The following IL15RA variants were observed in gnomAD, a reference collection of about 807,000 sequenced individuals.
IL15RA encodes the protein interleukin-15 receptor subunit alpha.
IL15RA carries 26 observed loss-of-function variants against 24.2 expected under a neutral mutation model. That is an observed-to-expected ratio of 1.07 (90% CI 0.79 to 1.49). IL15RA has a LOEUF of 1.49. Ranked by LOEUF, IL15RA falls within the 40% of genes most tolerant of loss-of-function variation. The probability of loss-of-function intolerance (pLI) is 0.00; values close to 1 mark genes in which losing one functional copy is unlikely to be tolerated. For missense variants in IL15RA, 354 were observed against 356.4 expected, an observed-to-expected ratio of 0.99 and a Z score of 0.05; for synonymous variants, 166 against 157.6, an observed-to-expected ratio of 1.05 and a Z score of -0.40.
In IL15RA at chr10:5,968,152, G is replaced by T. The variant is rs1370088220; in HGVS notation, c.89-1813C>A. On this transcript the variant is annotated intron_variant, in intron 1 of 6. Coordinates refer to ENST00000379977, the MANE Select transcript of IL15RA (RefSeq NM_002189.4). The surrounding 1 kb of genome is among the most constrained non-coding windows in gnomAD (Gnocchi z 5.4). ...AGTGTTAAGAACCTTAGCACGGAGA[G>T]AATTCTTATAAAAATCAACACAAGA... is the stretch of plus-strand genomic sequence containing the variant. 6.6e-6 allele frequency among the ~76,000 whole-genome samples: 1 copy of T among 152,138 alleles called. No homozygotes were observed. The highest frequency in any genetic ancestry group is 1.5e-5 in the Non-Finnish European group (1 of 68,038).
In IL15RA at chr10:5,963,745, T is replaced by C. The variant is rs1174601023; in HGVS notation, c.380A>G (p.Lys127Arg). The C allele has an allele frequency of 1.5e-5, 22 of 1,514,188 alleles. No individual in the cohort carries two copies. Among genetic ancestry groups the C allele is most frequent in the Non-Finnish European group, 1.8e-5 (20 of 1,141,906 alleles). 93.8% of individuals were successfully genotyped at this position (1,514,188 alleles called of 1,614,324 possible). ...PQPESLSPSG[K>R]EPAASSPSSN... Reference sequence around the variant, plus strand: ...CGAGAAGTTTCTGACCTTCCTACCTTTTCCAGAAGGGGAGAGGCTCTCTGG... The same window carrying C: ...CGAGAAGTTTCTGACCTTCCTACCTCTTCCAGAAGGGGAGAGGCTCTCTGG... The change falls in exon 3 of 7, where the codon AAA (lysine) becomes AGA (arginine). Residue 127 changes from lysine to arginine, a missense_variant and splice_region_variant. Physicochemically the swap from Lys to Arg is conservative, Grantham distance 26. Transcript: ENST00000379977. This position sits in a 1 kb window ranked among gnomAD's most constrained non-coding sequence, Gnocchi z 5.3.
At position 5,966,202 on chromosome 10, in the gene IL15RA, C is replaced by A. The variant is rs377470890; in HGVS notation, c.226G>T (p.Val76Leu). The A allele has an allele frequency of 1.2e-6, 2 of 1,613,918 alleles. No individual in the cohort carries two copies. The highest frequency in any genetic ancestry group is 1.7e-6 in the Non-Finnish European group (2 of 1,179,806). The change falls in exon 2 of 7, where the codon GTG becomes TTG. Residue 76 changes from valine to leucine, a missense_variant. Physicochemically the swap from Val to Leu is conservative, Grantham distance 32. Coordinates refer to ENST00000379977, the MANE Select transcript of IL15RA (RefSeq NM_002189.4). The surrounding 1 kb of genome is among the most constrained non-coding windows in gnomAD (Gnocchi z 6.4). ...GCGACATTCGTGGCCTTGTTCAACA[C>A]GCACTCCGTCAGGCTGGACGTGCCG... is the stretch of plus-strand genomic sequence containing the variant. The part of the protein sequence containing the change: ...KAGTSSLTEC[V>L]LNKATNVAHW...
chr10:5,969,189 G>A (rs1006100176), intron 1 of IL15RA, among the ~76,000 whole-genome samples: 6 of 151,436 alleles, frequency 4.0e-5, no homozygotes, highest in African/African-American at 1.5e-4. Flanking sequence ...TCAAAGCTGA[G>A]TTTGCTTTTC....
chr10:5,959,088 T>G lies in IL15RA; in HGVS notation c.616+666A>C, dbSNP rs1044105013. On this transcript the variant is annotated intron_variant, in intron 5 of 6. Coordinates refer to ENST00000379977, the MANE Select transcript of IL15RA (RefSeq NM_002189.4). This position sits in a 1 kb window ranked among gnomAD's most constrained non-coding sequence, Gnocchi z 4.1. ...CGTTCTCTTTTCTATTCTCCTAGCC[T>G]TAGCATTGCGTGTGACTTCTGTAAA... 1.3e-5 allele frequency among the ~76,000 whole-genome samples: 2 copies of G among 152,184 alleles called. No individual in the cohort carries two copies. The highest frequency in any genetic ancestry group is 4.8e-5 in the African/African-American group (2 of 41,438).
At chr10:5,956,934 A>G (rs1248425326) in intron 5 of IL15RA, among the ~76,000 whole-genome samples, 1 of 148,432 alleles carries the variant, frequency 6.7e-6, no homozygotes, top group Non-Finnish European at 1.5e-5. Context: ...TTTCCTTCCA[A>G]TTTCATTTTT....
At chr10:5,977,901 C>CT (rs1838707622), upstream of IL15RA, 1 of 316,598 alleles carries the variant, frequency 3.2e-6, no homozygotes, top group African/African-American at 2.1e-5. Flanking sequence ...CAGACTCTCT[C>CT]CAGCCCTCTC....
rs1385884071 is a variant in IL15RA at position 5,960,392 on chromosome 10, T to C, written c.558A>G (p.Thr186=). The C allele has an allele frequency of 1.9e-6, 3 of 1,614,058 alleles. No homozygotes were observed. In the Admixed American group the frequency reaches 5.0e-5, roughly 27 times the overall value. The change falls in exon 4 of 7, where the codon ACA becomes ACG. Residue 186 remains threonine (T), a synonymous_variant. Transcript: ENST00000379977. This position sits in a 1 kb window ranked among gnomAD's most constrained non-coding sequence, Gnocchi z 5.1. The part of the protein sequence containing the change: ...SQTTAKNWEL[T]ASASHQPPGV... ...CTGGCGGCTGGTGGGAGGCGGATGC[T>C]GTGAGTTCCCAGTTCTTGGCTGTTG... is the stretch of plus-strand genomic sequence containing the variant.
At position 5,977,514 on chromosome 10, in the gene IL15RA, C is replaced by T. The variant is rs1838655998; in HGVS notation, c.-22G>A. Reference sequence around the variant, plus strand: ...CCATGGCGGCAGCTCCACAGGACACCGCTGGACTCCCCGGGCGAGCGCTGC... The same window carrying T: ...CCATGGCGGCAGCTCCACAGGACACTGCTGGACTCCCCGGGCGAGCGCTGC... On this transcript the variant is annotated 5_prime_UTR_variant, in exon 1 of 7. Coordinates refer to ENST00000379977, the MANE Select transcript of IL15RA (RefSeq NM_002189.4). 3.8e-6 allele frequency: 5 copies of T among 1,327,028 alleles called. No homozygotes were observed. Among genetic ancestry groups the T allele is most frequent in the Admixed American group, 7.7e-5 (2 of 25,968 alleles). The allele number at this position is 1,327,028 out of a possible 1,614,324, so 82.2% of individuals were successfully genotyped here.
chr10:5,952,523 T>A lies in IL15RA; in HGVS notation c.*572A>T, dbSNP rs1472791500. The A allele has an allele frequency of 6.5e-6, 1 of 154,292 alleles. No homozygotes were observed. The highest frequency in any genetic ancestry group is 1.5e-5 in the Non-Finnish European group (1 of 68,900). The allele number at this position is 154,292 out of a possible 1,614,324, so 9.6% of individuals were successfully genotyped here. A position where few individuals can be genotyped will look rare whatever the true frequency, so the allele number is the denominator to read the frequency against. On this transcript the variant is annotated 3_prime_UTR_variant, in exon 7 of 7. Coordinates refer to ENST00000379977, the MANE Select transcript of IL15RA (RefSeq NM_002189.4). ...TAAAATGGCACTGAGTTGAGTTTTC[T>A]TCTTCCTGAATCCTTCAATGGAGAG...
rs1271903013 is a variant in IL15RA, at chr10:5,960,505, C to T, written c.445G>A (p.Gly149Ser). 6.2e-7 allele frequency: 1 copy of T among 1,614,124 alleles called. No homozygotes were observed. The change falls in exon 4 of 7, where the codon GGC (glycine) becomes AGC (serine). Residue 149 changes from glycine to serine, a missense_variant. Gly to Ser is a moderately conservative substitution (Grantham distance 56, BLOSUM62 0). Transcript: ENST00000379977. The surrounding 1 kb of genome is among the most constrained non-coding windows in gnomAD (Gnocchi z 5.1). Reference sequence around the variant, plus strand: ...GATTTTGAAGGCATCAGCTGGGAGCCCGGGACAATAGCTGCTGTTGTGGCC... The same window carrying T: ...GATTTTGAAGGCATCAGCTGGGAGCTCGGGACAATAGCTGCTGTTGTGGCC... ...TAATTAAIVP[G>S]SQLMPSKSPS... is the part of the protein sequence containing the mutation.
In IL15RA at chr10:5,953,368, T is replaced by C. The variant is rs777804998; in HGVS notation, c.693-162A>G. ...ACAGAGAGCACTTAGTCCTCAGAGA[T>C]GGAGAGAACCTAGAATGCCTACCTC... On this transcript the variant is annotated intron_variant, in intron 6 of 6. Coordinates refer to ENST00000379977, the MANE Select transcript of IL15RA (RefSeq NM_002189.4). This position sits in a 1 kb window ranked among gnomAD's most constrained non-coding sequence, Gnocchi z 5.3. 2 of 717,696 alleles carry C rather than the reference T, an allele frequency of 2.8e-6. No individual in the cohort carries two copies. The highest frequency in any genetic ancestry group is 1.5e-5 in the South Asian group (1 of 67,668). The allele number at this position is 717,696 out of a possible 1,614,324, so 44.5% of individuals were successfully genotyped here. A position where few individuals can be genotyped will look rare whatever the true frequency, so the allele number is the denominator to read the frequency against.
rs542393348 is a variant in IL15RA, at chr10:5,952,757, C to T, written c.*338G>A. On this transcript the variant is annotated 3_prime_UTR_variant, in exon 7 of 7. Coordinates refer to ENST00000379977, the MANE Select transcript of IL15RA (RefSeq NM_002189.4). The stretch of plus-strand genomic sequence containing the variant: ...AAGTTAGGATGAGGGACGGAAGATT[C>T]GGGGCAGGGTTTTTATTTCATTACC... 1.6e-5 allele frequency: 5 copies of T among 311,724 alleles called. No homozygotes were observed. The Admixed American group carries it at 1.8e-4, about 11-fold the overall frequency. 19.3% of individuals were successfully genotyped at this position (311,724 alleles called of 1,614,324 possible).
Position 5,975,446 on chromosome 10 carries a change from T to C in IL15RA, c.88+1959A>G, listed in dbSNP as rs1334707614. 6.6e-6 allele frequency among the ~76,000 whole-genome samples: 1 copy of C among 151,796 alleles called. No homozygotes were observed. Among genetic ancestry groups the C allele is most frequent in the East Asian group, 1.9e-4 (1 of 5,192 alleles). On this transcript the variant is annotated intron_variant, in intron 1 of 6. Coordinates refer to ENST00000379977, the MANE Select transcript of IL15RA (RefSeq NM_002189.4). The surrounding 1 kb of genome is among the most constrained non-coding windows in gnomAD (Gnocchi z 4.8). The stretch of plus-strand genomic sequence containing the variant: ...GGACTGTGCAGGGCATGAGGAAGTC[T>C]TTGGGAGTGATAGTTGTGTTCACTC...
At position 5,959,400 on chromosome 10, in the gene IL15RA, C is replaced by G. The variant is rs1238148927; in HGVS notation, c.616+354G>C. 6.6e-6 allele frequency among the ~76,000 whole-genome samples: 1 copy of G among 152,118 alleles called. No homozygotes were observed. Among genetic ancestry groups the G allele is most frequent in the East Asian group, 1.9e-4 (1 of 5,178 alleles). ...GAATTGGCAGCTTCTGGCAGAGATG[C>G]TGTAACGTCAGTGCTGGCATCAGCA... On this transcript the variant is annotated intron_variant, in intron 5 of 6. Coordinates refer to ENST00000379977, the MANE Select transcript of IL15RA (RefSeq NM_002189.4). This position sits in a 1 kb window ranked among gnomAD's most constrained non-coding sequence, Gnocchi z 4.1.
chr10:5,956,440 A>G lies in IL15RA; in HGVS notation c.631T>C (p.Ser211Pro). 1 of 1,613,816 alleles carries G rather than the reference A, an allele frequency of 6.2e-7. No individual in the cohort carries two copies. The change falls in exon 6 of 7, where the codon TCC (serine) becomes CCC (proline). Residue 211 changes from serine to proline, a missense_variant. By Grantham distance (74) the Ser-to-Pro change is moderately conservative. Transcript: ENST00000379977. The part of the protein sequence containing the change: ...HSDTTVAIST[S>P]TVLLCGLSAV... ...CTCAGCCCACACAGCAGGACAGTGGACGTGGAGATAGCCACTGAAAGGGAG... is the reference window on the plus strand; with the variant it reads ...CTCAGCCCACACAGCAGGACAGTGGGCGTGGAGATAGCCACTGAAAGGGAG...
At position 5,962,132 on chromosome 10, in the gene IL15RA, G is replaced by A. The variant is rs1835682589; in HGVS notation, c.383-1565C>T. On this transcript the variant is annotated intron_variant, in intron 3 of 6. Transcript: ENST00000379977. The surrounding 1 kb of genome is among the most constrained non-coding windows in gnomAD (Gnocchi z 5.2). Reference sequence around the variant, plus strand: ...CCTACTTGATCATTCTCCTCCTTGGGTGAACCAGGTGTGACTCAGATCAAA... The same window carrying A: ...CCTACTTGATCATTCTCCTCCTTGGATGAACCAGGTGTGACTCAGATCAAA... Among the ~76,000 whole-genome samples the A allele has an allele frequency of 1.3e-5, 2 of 152,212 alleles. No individual in the cohort carries two copies. Among genetic ancestry groups the A allele is most frequent in the South Asian group, 4.1e-4 (2 of 4,828 alleles).
At position 5,971,821 on chromosome 10, in the gene IL15RA, T is replaced by A. The variant is rs556458510; in HGVS notation, c.89-5482A>T. Among the ~76,000 whole-genome samples the A allele has an allele frequency of 1.7e-4, 26 of 152,340 alleles. No homozygotes were observed. The highest frequency in any genetic ancestry group is 3.1e-4 in the Non-Finnish European group (21 of 68,034). On this transcript the variant is annotated intron_variant, in intron 1 of 6. Transcript: ENST00000379977. This position sits in a 1 kb window ranked among gnomAD's most constrained non-coding sequence, Gnocchi z 5.5. The stretch of plus-strand genomic sequence containing the variant: ...AGCTCACTGCCTGAAACTTGGCAAT[T>A]CTTTTCTTTCTCTCTCAGACTCATT...
At position 5,964,810 on chromosome 10, in the gene IL15RA, C is replaced by T. The variant is rs886844397; in HGVS notation, c.284-969G>A. Among the ~76,000 whole-genome samples, 5 of 152,204 alleles carry T rather than the reference C, an allele frequency of 3.3e-5. No individual in the cohort carries two copies. Among genetic ancestry groups the T allele is most frequent in the African/African-American group, 9.6e-5 (4 of 41,462 alleles). ...CCAGGACTGGCAGAGTAAGACCCAC[C>T]GTGGTTCCCACAGATCCTGCTCACC... On this transcript the variant is annotated intron_variant, in intron 2 of 6. Coordinates refer to ENST00000379977, the MANE Select transcript of IL15RA (RefSeq NM_002189.4). The surrounding 1 kb of genome is among the most constrained non-coding windows in gnomAD (Gnocchi z 5.6).
Position 5,966,320 on chromosome 10 carries a change from G to A in IL15RA, c.108C>T (p.Pro36=), listed in dbSNP as rs1238112339. The change falls in exon 2 of 7, where the codon CCC becomes CCT. Residue 36 remains proline, a synonymous_variant. Transcript: ENST00000379977. This position sits in a 1 kb window ranked among gnomAD's most constrained non-coding sequence, Gnocchi z 6.4. The part of the protein sequence containing the change: ...PATRGITCPP[P]MSVEHADIWV... ...AGATGTCTGCGTGTTCCACGGACAT[G>A]GGGGGAGGGCACGTGATGCCTGCGA... 2.5e-6 allele frequency: 4 copies of A among 1,608,548 alleles called. No homozygotes were observed. The highest frequency in any genetic ancestry group is 1.3e-5 in the African/African-American group (1 of 74,958).
Sources: allele counts gnomAD v4.1 joint callset (sites outside exome capture counted in the v4.1 genomes callset), GRCh38; gene constraint gnomAD v4.1.1; non-coding constraint Gnocchi (gnomAD v3.1); transcripts MANE v1.5; gene names NCBI Gene and HGNC (gene_info 2026-07-23, HGNC 2026-07-21).